The following DST variants were observed in gnomAD, a reference collection of about 807,000 sequenced individuals.
The protein encoded by DST is bullous pemphigoid antigen.
A neutral mutation model predicts 875.2 loss-of-function variants in DST; 253 were observed. That is an observed-to-expected ratio of 0.29 (90% CI 0.26 to 0.32). The LOEUF (loss-of-function observed/expected upper bound fraction) is 0.32. Among genes scored for constraint, DST ranks in the 10% least tolerant of loss-of-function variants. The pLI is 1.00. For synonymous variants in DST, 3,124 were observed against 3,197.1 expected, an observed-to-expected ratio of 0.98 and a Z score of 0.77; for missense variants, 8,287 against 9,111.6, an observed-to-expected ratio of 0.91 and a Z score of 3.68.
At chr6:56,487,806 C>G (rs2095614542) in intron 86 of DST, among the ~76,000 whole-genome samples, 1 of 152,042 alleles carries the variant, frequency 6.6e-6, no homozygotes. Context: ...TATACAATAG[C>G]AGGAATGAGA....
chr6:56,886,697 C>T (rs1784800540), intron 3 of DST, among the ~76,000 whole-genome samples: 1 of 151,410 alleles, frequency 6.6e-6, no homozygotes. Flanking sequence ...ATTGCTTGAA[C>T]CCAGGAGGTG....
chr6:56,744,733 T>G (rs544929682), intron 4 of DST, among the ~76,000 whole-genome samples: 1 of 152,156 alleles, frequency 6.6e-6, no homozygotes, highest in African/African-American at 2.4e-5. Context: ...CTGACAGCAC[T>G]GCCTCACTCT....
rs1166971052 is a variant in DST at position 56,604,166 on chromosome 6, GC to G, written c.10461del (p.Gln3488SerfsTer18). ...AGTTTGTAGAAAATATTTTCAAGCTGCAGTGGAAGTACTTTAGACGTAATGC... is the reference window on the plus strand; with the variant it reads ...AGTTTGTAGAAAATATTTTCAAGCTGAGTGGAAGTACTTTAGACGTAATGC... The part of the protein sequence containing the change: ...KRGITSKVLP[L>X]QLENIFYKLL... On this transcript the variant is annotated frameshift_variant, in exon 40 of 104. Coordinates refer to ENST00000680361, the MANE Select transcript of DST (RefSeq NM_001374736.1). LOFTEE classifies it high-confidence loss of function. The G allele has an allele frequency of 8.8e-6, 14 of 1,595,938 alleles. No individual in the cohort carries two copies. The highest frequency in any genetic ancestry group is 1.1e-5 in the Non-Finnish European group (13 of 1,169,706).
chr6:56,482,623 T>C, intron 89 of DST, 60 bp downstream of exon 89: 1 of 1,539,558 alleles, frequency 6.5e-7, no homozygotes, highest in East Asian at 2.3e-5. Flanking sequence ...CTAGAATAGT[T>C]CTTGTTGAGG....
chr6:56,949,987 C>T (rs2127814485), intron 2 of DST, among the ~76,000 whole-genome samples: 1 of 152,238 alleles, frequency 6.6e-6, no homozygotes, highest in East Asian at 1.9e-4. Flanking sequence ...TGGAAAAAAA[C>T]TAAAGGATTT....
intron 10 of DST, among the ~76,000 whole-genome samples, chr6:56,659,286 T>G (rs1208261746): frequency 2.0e-5 from 3 of 152,132 alleles, no homozygotes; most frequent in Non-Finnish European, 4.4e-5. Context: ...GCTGTAAGCA[T>G]GGATGAGAGA....
chr6:56,757,742 T>C (rs1016138498), intron 4 of DST, among the ~76,000 whole-genome samples: 1 of 152,168 alleles, frequency 6.6e-6, no homozygotes, highest in African/African-American at 2.4e-5. Context: ...CCGATGAATA[T>C]GGCTCAAGCA....
chr6:56,501,662 A>G lies in DST; in HGVS notation c.19598T>C (p.Ile6533Thr). 6.2e-7 allele frequency: 1 copy of G among 1,606,554 alleles called. No homozygotes were observed. The highest frequency in any genetic ancestry group is 1.1e-5 in the South Asian group (1 of 89,584). The change falls in exon 79 of 104, where the codon ATA becomes ACA. Residue 6533 changes from isoleucine to threonine, a missense_variant. Physicochemically the swap from Ile to Thr is moderately conservative, Grantham distance 89. Transcript: ENST00000680361. The part of the protein sequence containing the change: ...QFKSEAYQQQ[I>T]EMERLNHQAE... Reference sequence around the variant, plus strand: ...TTGATGATTCAGTCTTTCCATTTCTATCTGCTGTTGATAGGCCTCAGACTT... The same window carrying G: ...TTGATGATTCAGTCTTTCCATTTCTGTCTGCTGTTGATAGGCCTCAGACTT...
intron 9 of DST, among the ~76,000 whole-genome samples, chr6:56,678,579 AG>A (rs1159044827): frequency 5.3e-5 from 8 of 152,322 alleles, no homozygotes; most frequent in African/African-American, 1.4e-4. Context: ...CTTGGGGGAC[AG>A]GGTGGGCTGT....
At position 56,772,222 on chromosome 6, in the gene DST, G is replaced by A. The variant is rs531107867; in HGVS notation, c.626-36933C>T. 9.9e-5 allele frequency among the ~76,000 whole-genome samples: 15 copies of A among 152,224 alleles called. No homozygotes were observed. The East Asian group carries it at 1.5e-3, about 16-fold the overall frequency. On this transcript the variant is annotated intron_variant, in intron 4 of 103. Transcript: ENST00000680361. ...AAATGCTTAATCATTTGGTAAAGCC[G>A]AATGTCAAATTTACATATAAAAACA...
chr6:56,525,872 C>G (rs116637142), intron 69 of DST, among the ~76,000 whole-genome samples: 1 of 152,122 alleles, frequency 6.6e-6, no homozygotes, highest in African/African-American at 2.4e-5. Flanking sequence ...TCTTTTCCCC[C>G]CTTCTGTCAT....
chr6:56,653,805 C>T (rs2098989292), intron 10 of DST, among the ~76,000 whole-genome samples: 1 of 152,196 alleles, frequency 6.6e-6, no homozygotes, highest in South Asian at 2.1e-4. Context: ...TCTGTCTTTC[C>T]TCTACCTGCC....
intron 49 of DST, among the ~76,000 whole-genome samples, chr6:56,587,536 A>G (rs1046868539): frequency 8.5e-5 from 13 of 152,270 alleles, no homozygotes; most frequent in Admixed American, 2.6e-4. Flanking sequence ...GCAGGCCAAC[A>G]TTCAGATTCA....
chr6:56,950,368 T>G (rs1821730533), intron 2 of DST, among the ~76,000 whole-genome samples: 1 of 152,200 alleles, frequency 6.6e-6, no homozygotes, highest in South Asian at 2.1e-4. Flanking sequence ...ATAGTCTCCA[T>G]TCTACTGAAG....
chr6:56,756,037 T>C (rs1197323066), intron 4 of DST, among the ~76,000 whole-genome samples: 2 of 152,184 alleles, frequency 1.3e-5, no homozygotes, highest in African/African-American at 2.4e-5. Context: ...ATAGTATATG[T>C]AGGAGAAAGA....
At chr6:56,504,777 C>T (rs982745210) in intron 77 of DST, among the ~76,000 whole-genome samples, 3 of 152,102 alleles carry the variant, frequency 2.0e-5, no homozygotes, top group African/African-American at 7.2e-5. Context: ...CTCACTGTAA[C>T]CTCAAACTCC....
At chr6:56,517,676 T>C (rs1583749802) in intron 69 of DST, 56 bp from the exon 70 acceptor site, 1 of 1,554,160 alleles carries the variant, frequency 6.4e-7, no homozygotes, top group Admixed American at 2.0e-5. Context: ...TGCCAGAAAA[T>C]ACCTATCTAC....
At chr6:56,949,553 T>G (rs775231963) in intron 2 of DST, among the ~76,000 whole-genome samples, 1 of 152,200 alleles carries the variant, frequency 6.6e-6, no homozygotes, top group Non-Finnish European at 1.5e-5. Context: ...GGGCTCCATC[T>G]CTAACCCTTT....
chr6:56,605,298 T>G lies in DST; in HGVS notation c.9330A>C (p.Lys3110Asn), dbSNP rs780937264. 8 of 1,611,682 alleles carry G rather than the reference T, an allele frequency of 5.0e-6. No homozygotes were observed. The part of the protein sequence containing the change: ...NEELNQKGSL[K>N]KATVTLKDEP... ...CATCTTTAAGAGTTACAGTTGCTTTTTTAAGGCTTCCTTTCTGATTAAGTT... is the reference window on the plus strand; with the variant it reads ...CATCTTTAAGAGTTACAGTTGCTTTGTTAAGGCTTCCTTTCTGATTAAGTT... The change falls in exon 40 of 104, where the codon AAA (lysine) becomes AAC (asparagine). Residue 3110 changes from lysine to asparagine, a missense_variant. Transcript: ENST00000680361.
Sources: gnomAD v4.1 joint callset for allele counts (sites outside exome capture counted in the v4.1 genomes callset) on GRCh38, gnomAD v4.1.1 for gene constraint, MANE v1.5 for transcripts, NCBI Gene and HGNC (gene_info 2026-07-23, HGNC 2026-07-21) for gene names.